VPS13C: variants seen among roughly 807,000 people sequenced by gnomAD.
VPS13C encodes vacuolar protein sorting 13 homolog C.
Under a neutral mutation model 456.8 loss-of-function variants are expected in VPS13C, and 358 were observed. The ratio of observed to expected loss-of-function variants is 0.78; its 90% CI spans 0.72 to 0.86. The LOEUF is 0.86. Ranked by LOEUF, VPS13C falls within the 40% of genes least tolerant of loss-of-function variation. The probability of loss-of-function intolerance (pLI) is 0.00; values close to 1 mark genes in which losing one functional copy is unlikely to be tolerated. For missense variants in VPS13C, 4,818 were observed against 4,385.4 expected (o/e 1.10, Z -2.79); for synonymous variants, 1,578 against 1,486.7 (o/e 1.06, Z -1.41).
chr15:61,987,325 T>C (rs557924287), intron 18 of VPS13C, among the ~76,000 whole-genome samples: 1 of 152,258 alleles, frequency 6.6e-6, no homozygotes, highest in Admixed American at 6.5e-5. Flanking sequence ...TACCTGAGAC[T>C]GGATAATTTA....
intron 1 of VPS13C, among the ~76,000 whole-genome samples, chr15:62,059,042 T>C (rs1049718710): frequency 6.6e-6 from 1 of 152,008 alleles, no homozygotes; most frequent in Non-Finnish European, 1.5e-5. Flanking sequence ...AAGCCAAGTT[T>C]AAAAAGAAAA....
chr15:61,908,896 A>T (rs2043219596), intron 65 of VPS13C, 96 bp downstream of exon 65: 1 of 1,447,854 alleles, frequency 6.9e-7, no homozygotes, highest in African/African-American at 1.4e-5. Context: ...TCACCTTTCT[A>T]AAATCTAAAA....
chr15:61,953,460 A>C (rs1318255504), intron 38 of VPS13C, among the ~76,000 whole-genome samples: 1 of 142,210 alleles, frequency 7.0e-6, no homozygotes, highest in Non-Finnish European at 1.5e-5. Flanking sequence ...TCATTGTTCA[A>C]TTCCCACCTA....
intron 68 of VPS13C, among the ~76,000 whole-genome samples, chr15:61,883,175 C>T (rs958992428): frequency 4.0e-5 from 6 of 151,272 alleles, no homozygotes; most frequent in Non-Finnish European, 7.4e-5. Context: ...GATGTGACAC[C>T]ATGCCCAGCT....
chr15:61,883,961 C>T (rs549859998), intron 68 of VPS13C, among the ~76,000 whole-genome samples, 167 bp downstream of exon 68: 6 of 151,682 alleles, frequency 4.0e-5, no homozygotes, highest in Admixed American at 3.9e-4. Flanking sequence ...TAAAAATATA[C>T]TAACGTGTAT....
intron 17 of VPS13C, among the ~76,000 whole-genome samples, chr15:61,991,439 A>C (rs911699049): frequency 1.3e-5 from 2 of 152,242 alleles, no homozygotes; most frequent in African/African-American, 4.8e-5. Context: ...TAAACATTTT[A>C]AATTTGACAT....
chr15:61,993,078 G>C (rs960544958), intron 16 of VPS13C, among the ~76,000 whole-genome samples: 1 of 152,038 alleles, frequency 6.6e-6, no homozygotes, highest in Non-Finnish European at 1.5e-5. Context: ...CCACTTTTAA[G>C]AATCTTCTAT....
intron 15 of VPS13C, among the ~76,000 whole-genome samples, chr15:62,005,673 G>A (rs1371854606): frequency 6.6e-6 from 1 of 150,976 alleles, no homozygotes; most frequent in Non-Finnish European, 1.5e-5. Context: ...TCCTTTCCAT[G>A]TTTAGTGCTT....
chr15:61,882,788 A>C (rs1429332141), intron 68 of VPS13C, 52 bp from the exon 69 acceptor site: 1 of 1,464,038 alleles, frequency 6.8e-7, no homozygotes, highest in East Asian at 2.4e-5. Flanking sequence ...CACAGTAGCT[A>C]TTCCATTTTT....
intron 9 of VPS13C, among the ~76,000 whole-genome samples, chr15:62,018,617 T>G (rs1465231848): frequency 6.6e-6 from 1 of 151,800 alleles, no homozygotes; most frequent in Non-Finnish European, 1.5e-5. Context: ...TGAACCAGCC[T>G]TGCATCCCAG....
intron 13 of VPS13C, among the ~76,000 whole-genome samples, chr15:62,009,849 G>T (rs1784051338): frequency 6.6e-6 from 1 of 152,090 alleles, no homozygotes; most frequent in East Asian, 1.9e-4. Context: ...TATTTAATAA[G>T]AGTCTCTTCC....
intron 7 of VPS13C, 72 bp downstream of exon 7, chr15:62,023,708 T>G: frequency 1.4e-6 from 2 of 1,408,988 alleles, no homozygotes; most frequent in Non-Finnish European, 9.8e-7. Context: ...GACATTCATT[T>G]CACATTCCAA....
chr15:61,995,495 T>C (rs2046352934), intron 16 of VPS13C, among the ~76,000 whole-genome samples: 1 of 152,240 alleles, frequency 6.6e-6, no homozygotes, highest in Non-Finnish European at 1.5e-5. Flanking sequence ...TACTTGATTC[T>C]GTGTACAATG....
chr15:61,917,054 A>C (rs1206127886), intron 60 of VPS13C, among the ~76,000 whole-genome samples: 1 of 152,136 alleles, frequency 6.6e-6, no homozygotes, highest in Non-Finnish European at 1.5e-5. Flanking sequence ...CCAGTCACTT[A>C]ACCCATTTTC....
rs768609583 is a variant in VPS13C at position 61,854,456 on chromosome 15, A to C, written c.*1T>G. ...CCTGTTGGAGCCCCTGAGGTCTGTG[A>C]TTAAGATGGCAATTGGGGTCTGAGA... On this transcript the variant is annotated 3_prime_UTR_variant, in exon 85 of 85. Coordinates refer to ENST00000644861, the MANE Select transcript of VPS13C (RefSeq NM_020821.3). The C allele has an allele frequency of 3.7e-6, 6 of 1,614,052 alleles. No homozygotes were observed. The highest frequency in any genetic ancestry group is 5.1e-6 in the Non-Finnish European group (6 of 1,179,884).
Position 61,886,773 on chromosome 15 carries a change from T to C in VPS13C, c.9342-2504A>G, listed in dbSNP as rs141548658. Among the ~76,000 whole-genome samples, 598 of 152,326 alleles carry C rather than the reference T, an allele frequency of 3.9e-3. 4 individuals are homozygous for C. Among genetic ancestry groups the C allele is most frequent in the African/African-American group, 0.014 (563 of 41,580 alleles). On this transcript the variant is annotated intron_variant, in intron 67 of 84. Transcript: ENST00000644861. ...ATAGCTTGTTTCTATTAGTCAATGA[T>C]AGTGTTAACAATGTCCTAACTATAA...
chr15:62,034,132 T>C (rs1323545528), intron 4 of VPS13C, among the ~76,000 whole-genome samples: 1 of 151,660 alleles, frequency 6.6e-6, no homozygotes, highest in East Asian at 1.9e-4. Context: ...ATTTATAGTA[T>C]TGACTATAAA....
chr15:61,937,606 C>A (rs567767260), intron 47 of VPS13C, among the ~76,000 whole-genome samples: 9 of 152,318 alleles, frequency 5.9e-5, no homozygotes, highest in Non-Finnish European at 1.3e-4. Context: ...TCGTGAGTAG[C>A]TAGAACTACT....
chr15:61,972,860 A>T, intron 26 of VPS13C, 96 bp from the exon 27 acceptor site: 2 of 1,304,690 alleles, frequency 1.5e-6, no homozygotes, highest in Non-Finnish European at 2.1e-6. Context: ...AAATTCATTT[A>T]TTAGATATAA....
Sources: allele counts gnomAD v4.1 joint callset (sites outside exome capture counted in the v4.1 genomes callset), GRCh38; gene constraint gnomAD v4.1.1; transcripts MANE v1.5; gene names NCBI Gene and HGNC (gene_info 2026-07-23, HGNC 2026-07-21).